Variants in KLF8 observed in about 807,000 individuals in gnomAD.
KLF8 encodes the protein Krueppel-like factor 8.
Under a neutral mutation model 18.2 loss-of-function variants are expected in KLF8, and 10 were observed. The observed-to-expected ratio is 0.55, with a 90% CI of 0.34 to 0.93. The LOEUF is 0.93. Among genes scored for constraint, KLF8 ranks in the 40% least tolerant of loss-of-function variants. KLF8 has a pLI of 0.02. For missense variants in KLF8, 264 were observed against 277.9 expected, an observed-to-expected ratio of 0.95 and a Z score of 0.36; for synonymous variants, 109 against 97.3, an observed-to-expected ratio of 1.12 and a Z score of -0.71.
intron 2 of KLF8, among the ~76,000 whole-genome samples, chrX:56,258,408 G>C (rs930992473): frequency 9.0e-6 from 1 of 111,157 alleles, no homozygotes; most frequent in Non-Finnish European, 1.9e-5. Context: ...AAGTAGCTGG[G>C]ACCACAGGCG....
At chrX:56,062,034 T>C in the KLF8 span, among the ~76,000 whole-genome samples, 1 of 104,321 alleles carries the variant, frequency 9.6e-6, no homozygotes, top group Admixed American at 1.0e-4. Flanking sequence ...CTTCTGTCCT[T>C]TTATTTTGAG....
chrX:56,088,053 T>C, the KLF8 span, among the ~76,000 whole-genome samples: 20 of 111,496 alleles, frequency 1.8e-4, no homozygotes, highest in Non-Finnish European at 1.9e-4. Context: ...CTAATCCACA[T>C]ACAATTGCCT....
At chrX:56,001,779 A>C in the KLF8 span, among the ~76,000 whole-genome samples, 1 of 111,892 alleles carries the variant, frequency 8.9e-6, no homozygotes, top group Non-Finnish European at 1.9e-5. Flanking sequence ...GTCAGTACTT[A>C]TTCTCTACAT....
At chrX:55,980,191 G>A in the KLF8 span, among the ~76,000 whole-genome samples, 69 of 111,929 alleles carry the variant, frequency 6.2e-4, no homozygotes, top group Middle Eastern at 4.6e-3. Flanking sequence ...GGAAAGATCA[G>A]TGGGAGAAGT....
the KLF8 span, among the ~76,000 whole-genome samples, chrX:55,974,390 A>G: frequency 8.9e-6 from 1 of 111,957 alleles, no homozygotes; most frequent in Non-Finnish European, 1.9e-5. Flanking sequence ...GCCCATATTT[A>G]TCAAAATTTT....
At chrX:56,054,171 G>A in the KLF8 span, among the ~76,000 whole-genome samples, 21 of 109,857 alleles carry the variant, frequency 1.9e-4, no homozygotes, top group East Asian at 1.7e-3. Flanking sequence ...TCTCTCTGTC[G>A]CCCAGGCTGG....
At chrX:56,040,284 G>C in the KLF8 span, among the ~76,000 whole-genome samples, 1 of 111,336 alleles carries the variant, frequency 9.0e-6, no homozygotes, top group Admixed American at 9.5e-5. Context: ...GGTGGGAGAG[G>C]GCATCCTTTT....
the KLF8 span, among the ~76,000 whole-genome samples, chrX:56,223,747 T>G: frequency 4.4e-5 from 5 of 112,372 alleles, no homozygotes; most frequent in African/African-American, 1.6e-4. Context: ...GAGAGAAAGA[T>G]GTAGCCAGGA....
the KLF8 span, among the ~76,000 whole-genome samples, chrX:56,098,637 T>G: frequency 9.0e-6 from 1 of 111,625 alleles, no homozygotes; most frequent in South Asian, 3.7e-4. Context: ...TTATACTCAT[T>G]GGTGAAAAAC....
chrX:56,207,027 C>T, the KLF8 span, among the ~76,000 whole-genome samples: 3,138 of 112,904 alleles, frequency 0.028, 121 homozygotes, highest in African/African-American at 0.095. Context: ...AGGCAACATC[C>T]TGAGCTAGAG....
the KLF8 span, among the ~76,000 whole-genome samples, chrX:55,995,756 G>T: frequency 9.0e-6 from 1 of 111,550 alleles, no homozygotes; most frequent in South Asian, 3.8e-4. Flanking sequence ...CACTGTTATT[G>T]TAAAAGGTTC....
At chrX:55,999,638 G>A in the KLF8 span, among the ~76,000 whole-genome samples, 1 of 110,544 alleles carries the variant, frequency 9.0e-6, no homozygotes, top group African/African-American at 3.3e-5. Flanking sequence ...CTGATTTCTT[G>A]ATTTGATTAT....
At chrX:56,202,089 T>A in the KLF8 span, among the ~76,000 whole-genome samples, 4 of 111,066 alleles carry the variant, frequency 3.6e-5, no homozygotes, top group Non-Finnish European at 3.8e-5. Flanking sequence ...GAGAAGAGTA[T>A]CCACTCCCAG....
chrX:56,121,708 A>G, the KLF8 span, among the ~76,000 whole-genome samples: 1 of 112,474 alleles, frequency 8.9e-6, no homozygotes, highest in Non-Finnish European at 1.9e-5. Flanking sequence ...CCAGGGCCTG[A>G]TGGTTTTCAT....
the KLF8 span, among the ~76,000 whole-genome samples, chrX:56,029,499 G>A: frequency 9.0e-6 from 1 of 110,867 alleles, no homozygotes; most frequent in African/African-American, 3.3e-5. Flanking sequence ...GGGGCCACTG[G>A]GGTGGTTACT....
chrX:56,093,607 T>TA, the KLF8 span, among the ~76,000 whole-genome samples: 49 of 109,856 alleles, frequency 4.5e-4, no homozygotes, highest in Admixed American at 2.0e-3. Flanking sequence ...GGACCAAAAT[T>TA]AAAAAAAAGG....
chrX:55,957,190 C>T, the KLF8 span, among the ~76,000 whole-genome samples: 3 of 111,239 alleles, frequency 2.7e-5, no homozygotes, highest in African/African-American at 9.8e-5. Flanking sequence ...TGGCAAATAT[C>T]GTTTAACCAT....
the KLF8 span, among the ~76,000 whole-genome samples, chrX:55,999,620 A>C: frequency 1.8e-4 from 20 of 110,552 alleles, no homozygotes; most frequent in Admixed American, 4.8e-4. Context: ...AAAGATGTAA[A>C]ATAAGAACTG....
the KLF8 span, among the ~76,000 whole-genome samples, chrX:56,204,863 A>C: frequency 9.1e-6 from 1 of 110,489 alleles, no homozygotes; most frequent in African/African-American, 3.3e-5. Flanking sequence ...GATCTGTTTC[A>C]TTTTAAGGGT....
Sources: gnomAD v4.1 joint callset for allele counts (sites outside exome capture counted in the v4.1 genomes callset) on GRCh38, gnomAD v4.1.1 for gene constraint, MANE v1.5 for transcripts, NCBI Gene and HGNC (gene_info 2026-07-23, HGNC 2026-07-21) for gene names.